NADSYN1: variants seen among roughly 807,000 people sequenced by gnomAD.
NADSYN1 encodes the protein glutamine-dependent NAD(+) synthetase.
A neutral mutation model predicts 99.3 loss-of-function variants in NADSYN1; 80 were observed. The observed-to-expected ratio is 0.81, with a 90% CI of 0.67 to 0.97. The LOEUF (loss-of-function observed/expected upper bound fraction) is 0.97, where lower values mean the gene tolerates loss of function less well. Among genes scored for constraint, NADSYN1 ranks in the 50% least tolerant of loss-of-function variants. NADSYN1 has a pLI of 0.00. For missense variants in NADSYN1, 859 were observed against 948.5 expected (o/e 0.91, Z 1.24); for synonymous variants, 385 against 372.1 (o/e 1.03, Z -0.40).
chr11:71,481,990 T>C lies in NADSYN1; in HGVS notation c.1115T>C (p.Met372Thr), dbSNP rs1305489820. ...SAATACLIYSMCCQVCEAVRS... is the reference protein window; with the variant it reads ...SAATACLIYSTCCQVCEAVRS... ...GCCACCGCCTGCCTCATCTACTCCA[T>C]GTGCTGCCAGGTCTGCGAGGCCGTG... Residue 372 changes from methionine (M) to threonine (T), a missense_variant, in exon 13 of 21, where the codon ATG becomes ACG. Coordinates refer to ENST00000319023, the MANE Select transcript of NADSYN1 (RefSeq NM_018161.5). 2.5e-6 allele frequency: 4 copies of C among 1,612,476 alleles called. No individual in the cohort carries two copies. The highest frequency in any genetic ancestry group is 1.7e-6 in the Non-Finnish European group (2 of 1,179,344).
At chr11:71,491,497 C>T (rs1179190572) in intron 17 of NADSYN1, among the ~76,000 whole-genome samples, 1 of 152,202 alleles carries the variant, frequency 6.6e-6, no homozygotes, top group African/African-American at 2.4e-5. Context: ...CAGGGGTGCT[C>T]CTCAATGTGG....
intron 14 of NADSYN1, among the ~76,000 whole-genome samples, chr11:71,483,697 T>C (rs1228522863): frequency 6.6e-6 from 1 of 152,142 alleles, no homozygotes; most frequent in Non-Finnish European, 1.5e-5. Context: ...AGATATGTAC[T>C]CAGAGGAATC....
Position 71,498,441 on chromosome 11 carries a change from C to G in NADSYN1, c.1983C>G (p.Asn661Lys). The G allele has an allele frequency of 6.2e-7, 1 of 1,614,208 alleles. No individual in the cohort carries two copies. Among genetic ancestry groups the G allele is most frequent in the Non-Finnish European group, 8.5e-7 (1 of 1,180,046 alleles). Reference protein sequence around the residue: ...TTLTPAYHAENYSPEDNRFDL... With the variant: ...TTLTPAYHAEKYSPEDNRFDL... ...TCACACCCGCGTACCACGCCGAGAA[C>G]TACAGCCCTGAGGACAACAGGTTTG... The change falls in exon 20 of 21, where the codon AAC becomes AAG. Residue 661 changes from asparagine (N) to lysine (K), a missense_variant. By Grantham distance (94) the Asn-to-Lys change is moderately conservative. Coordinates refer to ENST00000319023, the MANE Select transcript of NADSYN1 (RefSeq NM_018161.5).
chr11:71,477,286 C>T lies in NADSYN1; in HGVS notation c.799-1109C>T, dbSNP rs936379024. The T allele has an allele frequency of 5.5e-6, 7 of 1,265,448 alleles. No homozygotes were observed. The African/African-American group carries it at 1.1e-4, about 19-fold the overall frequency. The allele number at this position is 1,265,448 out of a possible 1,614,324, so 78.4% of individuals were successfully genotyped here. A position where few individuals can be genotyped will look rare whatever the true frequency, so the allele number is the denominator to read the frequency against. On this transcript the variant is annotated intron_variant, in intron 9 of 20. Transcript: ENST00000319023. The stretch of plus-strand genomic sequence containing the variant: ...CCACCTTCTCATGGAACGATCCTCG[C>T]CTTCCCTCATCTCCATTGTTTTATG...
chr11:71,455,020 A>T, intron 1 of NADSYN1, 90 bp from the exon 2 acceptor site: 1 of 954,420 alleles, frequency 1.0e-6, no homozygotes, highest in Admixed American at 2.4e-5. Flanking sequence ...TTTTTTTTTT[A>T]TCCTACCTAC....
At position 71,474,536 on chromosome 11, in the gene NADSYN1, G is replaced by A. The variant is rs3819215; in HGVS notation, c.798+10G>A. On this transcript the variant is annotated intron_variant, in intron 9 of 20. Transcript: ENST00000319023. ...TTCTCTGGATGACGTGGTAATGAGCGGGCCTGGACATGCCTGGGGGAGGGT... is the reference window on the plus strand; with the variant it reads ...TTCTCTGGATGACGTGGTAATGAGCAGGCCTGGACATGCCTGGGGGAGGGT... 4,527 of 1,614,052 alleles carry A rather than the reference G, an allele frequency of 2.8e-3. 112 individuals carry two copies. The East Asian group carries it at 0.064, about 23-fold the overall frequency.
chr11:71,481,965 G>C lies in NADSYN1; in HGVS notation c.1090G>C (p.Ala364Pro), dbSNP rs1460376776. The C allele has an allele frequency of 6.2e-7, 1 of 1,607,796 alleles. No homozygotes were observed. Among genetic ancestry groups the C allele is most frequent in the South Asian group, 1.1e-5 (1 of 90,404 alleles). Residue 364 changes from alanine (A) to proline (P), a missense_variant, in exon 13 of 21, where the codon GCC becomes CCC. Ala to Pro is a conservative substitution (Grantham distance 27). Transcript: ENST00000319023. ...CTTGAGTGGCGGGGTGGACAGCGCA[G>C]CCACCGCCTGCCTCATCTACTCCAT... ...LPLSGGVDSA[A>P]TACLIYSMCC...
chr11:71,486,562 T>A (rs1949744460), intron 16 of NADSYN1, among the ~76,000 whole-genome samples: 1 of 151,784 alleles, frequency 6.6e-6, no homozygotes, highest in South Asian at 2.1e-4. Flanking sequence ...CACCCACCTG[T>A]CCATCCATGC....
chr11:71,487,983 T>G (rs896359238), intron 16 of NADSYN1, among the ~76,000 whole-genome samples: 1 of 152,186 alleles, frequency 6.6e-6, no homozygotes, highest in Non-Finnish European at 1.5e-5. Flanking sequence ...CTGTTTCCCA[T>G]GCTGCATCTC....
At chr11:71,495,789 G>A (rs1239856732) in intron 18 of NADSYN1, among the ~76,000 whole-genome samples, 1 of 152,184 alleles carries the variant, frequency 6.6e-6, no homozygotes, top group Non-Finnish European at 1.5e-5. Flanking sequence ...AACACTTAGC[G>A]TCCCCTGGAG....
At chr11:71,476,155 G>C (rs775414478) in intron 9 of NADSYN1, 3 of 455,834 alleles carry the variant, frequency 6.6e-6, no homozygotes, top group Admixed American at 4.7e-5. Context: ...CTCCACTCTC[G>C]GGCTCAGACC....
intron 9 of NADSYN1, chr11:71,474,988 A>C (rs1210639177): frequency 4.6e-6 from 1 of 215,266 alleles, no homozygotes; most frequent in East Asian, 1.0e-4. Flanking sequence ...TGTGCTCAGG[A>C]ACAGAGGGGA....
intron 13 of NADSYN1, 118 bp downstream of exon 13, chr11:71,482,143 G>A: frequency 2.4e-6 from 2 of 844,678 alleles, no homozygotes; most frequent in South Asian, 1.7e-5. Context: ...GGGTGAAGGG[G>A]GCTTTGTGGC....
chr11:71,475,977 G>T, intron 9 of NADSYN1: 1 of 454,664 alleles, frequency 2.2e-6, no homozygotes, highest in East Asian at 7.0e-5. Flanking sequence ...GCCTCCCAAA[G>T]TGCTGGGATT....
At chr11:71,464,216 A>C in intron 5 of NADSYN1, 74 bp downstream of exon 5, 1 of 1,228,148 alleles carries the variant, frequency 8.1e-7, no homozygotes, top group South Asian at 1.3e-5. Context: ...GGTCCTGATC[A>C]TGGGAGTGTT....
At chr11:71,497,430 C>T (rs1949827193) in intron 18 of NADSYN1, 53 bp from the exon 19 acceptor site, 2 of 1,611,230 alleles carry the variant, frequency 1.2e-6, no homozygotes, top group Non-Finnish European at 1.7e-6. Flanking sequence ...GCTTTAGGCT[C>T]TCCCCCCGCT....
intron 13 of NADSYN1, among the ~76,000 whole-genome samples, chr11:71,482,404 G>A (rs772991157): frequency 1.7e-4 from 26 of 152,218 alleles, no homozygotes; most frequent in Non-Finnish European, 3.2e-4. Context: ...GGATGGGGCT[G>A]TGGGCCATAG....
intron 10 of NADSYN1, chr11:71,479,860 T>C (rs1201917674): frequency 6.6e-6 from 1 of 152,244 alleles, no homozygotes; most frequent in Non-Finnish European, 1.5e-5. Flanking sequence ...GATTACTGTA[T>C]CTTCTGTCTG....
intron 9 of NADSYN1, chr11:71,477,117 G>A: frequency 1.8e-6 from 2 of 1,125,616 alleles, no homozygotes; most frequent in South Asian, 3.9e-5. Context: ...TCCTGCTCAA[G>A]CAACAGACCT....
Sources: allele counts gnomAD v4.1 joint callset (sites outside exome capture counted in the v4.1 genomes callset), GRCh38; gene constraint gnomAD v4.1.1; transcripts MANE v1.5; gene names NCBI Gene and HGNC (gene_info 2026-07-23, HGNC 2026-07-21).